The following ATF7 variants were observed in gnomAD, a reference collection of about 807,000 sequenced individuals.
ATF7 encodes activating transcription factor 7.
ATF7 carries 10 observed loss-of-function variants against 50.4 expected under a neutral mutation model. The observed-to-expected ratio is 0.20, with a 90% CI of 0.12 to 0.34. ATF7 has a LOEUF of 0.34. Among genes scored for constraint, ATF7 ranks in the 10% least tolerant of loss-of-function variants. ATF7 has a pLI of 1.00. For synonymous variants in ATF7, 201 were observed against 226.4 expected (o/e 0.89, Z 1.01); for missense variants, 465 against 613.9 (o/e 0.76, Z 2.56).
chr12:53,540,288 T>C (rs1310023067), intron 4 of ATF7, among the ~76,000 whole-genome samples: 3 of 149,728 alleles, frequency 2.0e-5, no homozygotes, highest in South Asian at 2.1e-4. Context: ...GAGGTGGAGG[T>C]TGCAGTGAGC....
rs1277004478 is a variant in ATF7, at chr12:53,543,452, T to C, written c.146-4A>G. The C allele has an allele frequency of 4.4e-6, 7 of 1,576,672 alleles. No individual in the cohort carries two copies. The highest frequency in any genetic ancestry group is 4.3e-6 in the Non-Finnish European group (5 of 1,161,440). On this transcript the variant is annotated splice_polypyrimidine_tract_variant and splice_region_variant and intron_variant, in intron 3 of 11. Coordinates refer to ENST00000420353, the MANE Select transcript of ATF7 (RefSeq NM_006856.3). ...CTAGTTGGAGTAGGCGTTTGATCTG[T>C]AGACATGAAAGAAAAGGAAACTGTT...
At chr12:53,556,067 C>T (rs866428222) in intron 2 of ATF7, among the ~76,000 whole-genome samples, 5 of 152,164 alleles carry the variant, frequency 3.3e-5, no homozygotes, top group Middle Eastern at 3.4e-3. Flanking sequence ...CCACCCACCT[C>T]GACCTCCCAA....
intron 2 of ATF7, among the ~76,000 whole-genome samples, chr12:53,567,073 T>C (rs750164829): frequency 3.3e-5 from 5 of 152,212 alleles, no homozygotes; most frequent in African/African-American, 4.8e-5. Flanking sequence ...AGTTTTAAGC[T>C]ACTGTTAGGT....
At chr12:53,572,641 G>A (rs1225129977) in intron 2 of ATF7, among the ~76,000 whole-genome samples, 1 of 152,142 alleles carries the variant, frequency 6.6e-6, no homozygotes, top group Non-Finnish European at 1.5e-5. Flanking sequence ...ATAGTCAACT[G>A]CAGTTCAAAA....
intron 2 of ATF7, among the ~76,000 whole-genome samples, chr12:53,560,616 C>T (rs536667117): frequency 2.6e-5 from 4 of 152,264 alleles, no homozygotes; most frequent in South Asian, 2.1e-4. Context: ...CCACAGCACC[C>T]GTTTTCATGA....
intron 5 of ATF7, among the ~76,000 whole-genome samples, chr12:53,536,686 G>A (rs1939245953): frequency 6.6e-6 from 1 of 151,922 alleles, no homozygotes; most frequent in Admixed American, 6.5e-5. Flanking sequence ...TCAGGAGATC[G>A]AGACCAGCCT....
intron 2 of ATF7, among the ~76,000 whole-genome samples, chr12:53,563,083 G>A (rs539668320): frequency 6.6e-6 from 1 of 152,140 alleles, no homozygotes; most frequent in African/African-American, 2.4e-5. Context: ...TCAATTTTGT[G>A]CCTCCACACA....
intron 1 of ATF7, among the ~76,000 whole-genome samples, chr12:53,613,724 T>C (rs762903923): frequency 2.0e-5 from 3 of 151,756 alleles, no homozygotes; most frequent in Non-Finnish European, 2.9e-5. Context: ...TCTCACTATA[T>C]TACCCAGGCT....
At chr12:53,624,520 G>T (rs1399746410) in intron 1 of ATF7, among the ~76,000 whole-genome samples, 2 of 152,188 alleles carry the variant, frequency 1.3e-5, no homozygotes, top group Admixed American at 6.5e-5. Flanking sequence ...ATCAAACAAA[G>T]GGCAAAGCCC....
chr12:53,574,719 C>CA, intron 2 of ATF7: 1 of 162,894 alleles, frequency 6.1e-6, no homozygotes. Flanking sequence ...AAGAGACAGG[C>CA]AGACTTCAAG....
downstream of ATF7, among the ~76,000 whole-genome samples, chr12:53,510,586 A>G (rs1234876029): frequency 6.6e-6 from 1 of 152,252 alleles, no homozygotes; most frequent in Non-Finnish European, 1.5e-5. Flanking sequence ...AATAAAATGA[A>G]GTGACTACTC....
intron 2 of ATF7, among the ~76,000 whole-genome samples, chr12:53,572,243 C>T (rs1941804770): frequency 6.6e-6 from 1 of 152,184 alleles, no homozygotes; most frequent in South Asian, 2.1e-4. Flanking sequence ...ATCTTAACAA[C>T]TCTTCATAGA....
chr12:53,519,783 A>G (rs1937990266), intron 11 of ATF7, among the ~76,000 whole-genome samples: 1 of 152,200 alleles, frequency 6.6e-6, no homozygotes, highest in Middle Eastern at 3.4e-3. Context: ...GTCTTGCTCT[A>G]TCACCCAGGC....
At chr12:53,605,126 T>C (rs1322957712) in intron 1 of ATF7, among the ~76,000 whole-genome samples, 5 of 152,180 alleles carry the variant, frequency 3.3e-5, no homozygotes. Flanking sequence ...CGGTGGTTCA[T>C]GCCTGTAATC....
At chr12:53,526,759 A>G (rs543518968) in intron 9 of ATF7, among the ~76,000 whole-genome samples, 160 of 151,656 alleles carry the variant, frequency 1.1e-3, no homozygotes, top group African/African-American at 3.7e-3. Context: ...GCTGAGATAG[A>G]AGAATTGCTT....
intron 9 of ATF7, among the ~76,000 whole-genome samples, chr12:53,526,885 G>C (rs767225040): frequency 6.7e-6 from 1 of 149,206 alleles, no homozygotes; most frequent in South Asian, 2.1e-4. Context: ...TGGGCCGGGC[G>C]CCGTGGCTCA....
At chr12:53,560,569 C>G (rs1941042756) in intron 2 of ATF7, among the ~76,000 whole-genome samples, 1 of 152,196 alleles carries the variant, frequency 6.6e-6, no homozygotes, top group Non-Finnish European at 1.5e-5. Context: ...CACTCAACTC[C>G]TAGCCAGATA....
intron 1 of ATF7, among the ~76,000 whole-genome samples, chr12:53,625,668 A>G (rs1386488584): frequency 2.0e-5 from 3 of 152,244 alleles, no homozygotes; most frequent in East Asian, 1.9e-4. Context: ...AATCCACCCC[A>G]TCTATCTTTT....
Position 53,556,911 on chromosome 12 carries a change from G to A in ATF7, c.49-4274C>T, listed in dbSNP as rs373874977. Among the ~76,000 whole-genome samples, 35 of 152,230 alleles carry A rather than the reference G, an allele frequency of 2.3e-4. No homozygotes were observed. The East Asian group carries it at 6.2e-3, about 27-fold the overall frequency. On this transcript the variant is annotated intron_variant, in intron 2 of 11. Coordinates refer to ENST00000420353, the MANE Select transcript of ATF7 (RefSeq NM_006856.3). ...TGAAAGCAATTTCTCAATTAAAATAGCTAAAATTATTATCATAGTATTTTT... is the reference window on the plus strand; with the variant it reads ...TGAAAGCAATTTCTCAATTAAAATAACTAAAATTATTATCATAGTATTTTT...
Sources: allele counts gnomAD v4.1 joint callset (sites outside exome capture counted in the v4.1 genomes callset), GRCh38; gene constraint gnomAD v4.1.1; transcripts MANE v1.5; gene names NCBI Gene and HGNC (gene_info 2026-07-23, HGNC 2026-07-21).